Variants in PLCG2 observed in about 807,000 individuals in gnomAD.
The protein encoded by PLCG2 is 1-phosphatidylinositol 4,5-bisphosphate phosphodiesterase gamma-2.
PLCG2 carries 69 observed loss-of-function variants against 175.6 expected under a neutral mutation model. That is an observed-to-expected ratio of 0.39 (90% CI 0.32 to 0.48). PLCG2 has a LOEUF of 0.48. Among genes scored for constraint, PLCG2 ranks in the 20% least tolerant of loss-of-function variants. The pLI is 0.91. For synonymous variants in PLCG2, 827 were observed against 624.0 expected, an observed-to-expected ratio of 1.33 and a Z score of -4.85; for missense variants, 1,798 against 1,650.9, an observed-to-expected ratio of 1.09 and a Z score of -1.54.
At chr16:81,769,102 A>G (rs1182726603) in intron 2 of PLCG2, among the ~76,000 whole-genome samples, 1 of 152,212 alleles carries the variant, frequency 6.6e-6, no homozygotes. Flanking sequence ...TGAGGGTTCT[A>G]TTGAAACAGT....
chr16:81,756,164 A>T (rs984185103), intron 2 of PLCG2, among the ~76,000 whole-genome samples: 3 of 152,248 alleles, frequency 2.0e-5, no homozygotes, highest in African/African-American at 7.2e-5. Context: ...GCAAGATCAA[A>T]TAGGGCTGCT....
At chr16:81,906,432 T>A (rs1909374207) in intron 15 of PLCG2, 1 of 152,198 alleles carries the variant, frequency 6.6e-6, no homozygotes, top group African/African-American at 2.4e-5. Flanking sequence ...ATTTATTACT[T>A]ATTTATTTAT....
At chr16:81,787,187 T>G (rs1478456931) in intron 2 of PLCG2, among the ~76,000 whole-genome samples, 1 of 152,002 alleles carries the variant, frequency 6.6e-6, no homozygotes, top group Non-Finnish European at 1.5e-5. Context: ...TTGTTATTAT[T>G]CGAAGTGACT....
chr16:81,946,045 G>GC, intron 30 of PLCG2, 130 bp from the exon 31 acceptor site: 1 of 710,640 alleles, frequency 1.4e-6, no homozygotes, highest in Non-Finnish European at 2.6e-6. Flanking sequence ...CACAAAGTCA[G>GC]CCCCCAGCAT....
chr16:81,783,830 G>T (rs963438468), intron 1 of PLCG2, among the ~76,000 whole-genome samples: 1 of 130,254 alleles, frequency 7.7e-6, no homozygotes, highest in East Asian at 2.7e-4. Context: ...ACTCTCAGCA[G>T]GGTTTTTTTT....
At chr16:81,792,625 A>G (rs934857532) in intron 2 of PLCG2, among the ~76,000 whole-genome samples, 3 of 152,168 alleles carry the variant, frequency 2.0e-5, no homozygotes, top group Admixed American at 6.5e-5. Flanking sequence ...GAAACTTACA[A>G]TCATGGTGGA....
chr16:81,778,209 C>T (rs1370835716), upstream of PLCG2, among the ~76,000 whole-genome samples: 1 of 151,876 alleles, frequency 6.6e-6, no homozygotes, highest in Non-Finnish European at 1.5e-5. Context: ...GACCTCATGT[C>T]GAAAAAAGAG....
At chr16:81,879,088 G>C (rs1301649118) in intron 7 of PLCG2, among the ~76,000 whole-genome samples, 1 of 152,100 alleles carries the variant, frequency 6.6e-6, no homozygotes, top group Non-Finnish European at 1.5e-5. Flanking sequence ...GGGGGAATGC[G>C]GTGCGGGCTT....
chr16:81,832,102 T>TG (rs527309142), intron 2 of PLCG2, among the ~76,000 whole-genome samples: 1,606 of 125,488 alleles, frequency 0.013, 17 homozygotes, highest in African/African-American at 0.029. Flanking sequence ...CTTTGATAAA[T>TG]GGAGGGGGGG....
chr16:81,944,593 T>C (rs1911077635), intron 30 of PLCG2, among the ~76,000 whole-genome samples: 1 of 152,198 alleles, frequency 6.6e-6, no homozygotes, highest in African/African-American at 2.4e-5. Flanking sequence ...GTCTTCCTAG[T>C]AGCTGGGACT....
At chr16:81,910,956 C>G (rs1250187050) in intron 18 of PLCG2, among the ~76,000 whole-genome samples, 2 of 152,140 alleles carry the variant, frequency 1.3e-5, no homozygotes, top group Non-Finnish European at 2.9e-5. Flanking sequence ...TCTACTTTGT[C>G]TTCATAGCCC....
chr16:81,910,241 C>T (rs1389656656), intron 17 of PLCG2, among the ~76,000 whole-genome samples: 3 of 152,186 alleles, frequency 2.0e-5, no homozygotes, highest in Non-Finnish European at 2.9e-5. Context: ...CAGGCATGCA[C>T]CACCATGCCC....
intron 2 of PLCG2, among the ~76,000 whole-genome samples, chr16:81,803,121 TTTTTTTTTTTTTTG>T (rs950450557): frequency 3.7e-5 from 5 of 135,554 alleles, no homozygotes; most frequent in East Asian, 7.8e-4. Flanking sequence ...CACTTTTTTT[TTTTTTTTTTTTTTG>T]TGAGACGGAA....
At chr16:81,937,182 C>T (rs146871607) in intron 27 of PLCG2, among the ~76,000 whole-genome samples, 160 of 152,270 alleles carry the variant, frequency 1.1e-3, no homozygotes, top group African/African-American at 3.6e-3. Context: ...GGCGGGGATG[C>T]AAATAGGTGG....
At chr16:81,862,410 G>A (rs1470977683) in intron 5 of PLCG2, among the ~76,000 whole-genome samples, 3 of 152,336 alleles carry the variant, frequency 2.0e-5, no homozygotes, top group East Asian at 1.9e-4. Flanking sequence ...CTTGGCTGAC[G>A]GTTGAGCTAG....
In PLCG2 at chr16:81,903,423, G is replaced by A. The variant is rs542365317; in HGVS notation, c.1363-1980G>A. Among the ~76,000 whole-genome samples the A allele has an allele frequency of 1.1e-4, 17 of 152,352 alleles. No homozygotes were observed. The East Asian group carries it at 2.1e-3, about 19-fold the overall frequency. ...CCCATGGGTAAGAGCATCAGTGCAC[G>A]GGGAGTGTTTGGCCAAGACTGTGAC... is the stretch of plus-strand genomic sequence containing the variant. On this transcript the variant is annotated intron_variant, in intron 14 of 32. Coordinates refer to ENST00000564138, the MANE Select transcript of PLCG2 (RefSeq NM_002661.5).
intron 5 of PLCG2, among the ~76,000 whole-genome samples, chr16:81,866,020 A>T (rs1174914497): frequency 8.6e-6 from 1 of 116,074 alleles, no homozygotes; most frequent in East Asian, 2.8e-4. Context: ...TTCTCCCAGG[A>T]TGGGCTCCAC....
intron 2 of PLCG2, among the ~76,000 whole-genome samples, chr16:81,843,550 A>G (rs1905947448): frequency 6.6e-6 from 1 of 152,198 alleles, no homozygotes; most frequent in Non-Finnish European, 1.5e-5. Flanking sequence ...TCAGCCTACC[A>G]ATATTTTTCG....
At chr16:81,758,041 T>G (rs529167713) in intron 2 of PLCG2, among the ~76,000 whole-genome samples, 123 of 152,322 alleles carry the variant, frequency 8.1e-4, no homozygotes, top group Non-Finnish European at 1.5e-3. Flanking sequence ...AGTGGTGTGA[T>G]CTCAGCTCTC....
Sources: allele counts gnomAD v4.1 joint callset (sites outside exome capture counted in the v4.1 genomes callset), GRCh38; gene constraint gnomAD v4.1.1; transcripts MANE v1.5; gene names NCBI Gene and HGNC (gene_info 2026-07-23, HGNC 2026-07-21).